The following FOXP1 variants were observed in gnomAD, a reference collection of about 807,000 sequenced individuals.
FOXP1 encodes forkhead box protein P1.
FOXP1 carries 15 observed loss-of-function variants against 98.2 expected under a neutral mutation model. The ratio of observed to expected loss-of-function variants is 0.15; its 90% CI spans 0.10 to 0.24. The LOEUF is 0.24. Among genes scored for constraint, FOXP1 ranks in the 10% least tolerant of loss-of-function variants. FOXP1 has a pLI of 1.00. For missense variants in FOXP1, 633 were observed against 848.5 expected, an observed-to-expected ratio of 0.75 and a Z score of 3.15; for synonymous variants, 371 against 314.5, an observed-to-expected ratio of 1.18 and a Z score of -1.90.
chr3:71,340,198 C>T (rs1226824889), intron 4 of FOXP1, among the ~76,000 whole-genome samples: 2 of 152,130 alleles, frequency 1.3e-5, no homozygotes, highest in Admixed American at 6.5e-5. Flanking sequence ...TGAAAAGGAA[C>T]AAATTAAGTG....
At chr3:71,427,347 C>G (rs1017690970) in intron 3 of FOXP1, among the ~76,000 whole-genome samples, 8 of 152,164 alleles carry the variant, frequency 5.3e-5, no homozygotes, top group Non-Finnish European at 1.0e-4. Flanking sequence ...CAGGGACACA[C>G]GCGCAGGAGA....
intron 3 of FOXP1, among the ~76,000 whole-genome samples, chr3:71,413,879 T>C (rs1244433989): frequency 6.6e-6 from 1 of 152,144 alleles, no homozygotes; most frequent in Non-Finnish European, 1.5e-5. Flanking sequence ...TTTTCTTTTA[T>C]CTCTCATTTA....
intron 4 of FOXP1, chr3:71,329,827 T>C (rs1356367352): frequency 6.6e-6 from 1 of 152,186 alleles, no homozygotes; most frequent in Non-Finnish European, 1.5e-5. Context: ...GTATCTACAA[T>C]CAAGAACAAT....
chr3:71,456,100 A>C (rs1275597800), intron 3 of FOXP1, among the ~76,000 whole-genome samples: 1 of 152,202 alleles, frequency 6.6e-6, no homozygotes, highest in South Asian at 2.1e-4. Flanking sequence ...TGTGGAAAGA[A>C]TAACAGTTGC....
chr3:71,209,973 G>C (rs139676448), intron 5 of FOXP1, among the ~76,000 whole-genome samples: 1,772 of 152,080 alleles, frequency 0.012, 18 homozygotes, highest in Non-Finnish European at 0.019. Context: ...TAAATTCTGC[G>C]TGATGTCAGT....
At chr3:71,300,290 C>T (rs1431906404) in intron 4 of FOXP1, among the ~76,000 whole-genome samples, 2 of 151,978 alleles carry the variant, frequency 1.3e-5, no homozygotes, top group African/African-American at 4.8e-5. Flanking sequence ...TATTTTTTTC[C>T]CCTTTTGGAA....
chr3:71,154,795 T>C (rs1479930903), intron 6 of FOXP1, among the ~76,000 whole-genome samples: 1 of 152,224 alleles, frequency 6.6e-6, no homozygotes, highest in African/African-American at 2.4e-5. Flanking sequence ...TGGTTCCCCA[T>C]GGCTCTCAGG....
chr3:71,562,077 C>T (rs1393387142), intron 2 of FOXP1, among the ~76,000 whole-genome samples: 1 of 152,166 alleles, frequency 6.6e-6, no homozygotes, highest in Non-Finnish European at 1.5e-5. Flanking sequence ...AAAACCAAGA[C>T]TCTCCAACCA....
chr3:71,526,300 T>C (rs1294555979), intron 2 of FOXP1, among the ~76,000 whole-genome samples: 1 of 152,170 alleles, frequency 6.6e-6, no homozygotes, highest in African/African-American at 2.4e-5. Context: ...AATATGCACA[T>C]GCAGTAAGAA....
At position 71,583,692 on chromosome 3, in the gene FOXP1, A is replaced by G; in HGVS notation, c.-568T>C. ...CACTCGCGCACACACGCGCGCACAC[A>G]CGCACTCCCGGGCGAGGGCCGGGCC... On this transcript the variant is annotated 5_prime_UTR_variant, in exon 1 of 21. Coordinates refer to ENST00000649528, the MANE Select transcript of FOXP1 (RefSeq NM_001349338.3). The G allele has an allele frequency of 1.0e-6, 1 of 983,334 alleles. No homozygotes were observed. The highest frequency in any genetic ancestry group is 1.2e-6 in the Non-Finnish European group (1 of 829,612). The allele number at this position is 983,334 out of a possible 1,614,324, so 60.9% of individuals were successfully genotyped here.
At chr3:71,169,122 C>G (rs1469341098) in intron 6 of FOXP1, among the ~76,000 whole-genome samples, 1 of 152,164 alleles carries the variant, frequency 6.6e-6, no homozygotes, top group Non-Finnish European at 1.5e-5. Flanking sequence ...TGCTCATAAA[C>G]TGAGGTGGTG....
chr3:71,253,010 A>T (rs762052459), intron 5 of FOXP1, among the ~76,000 whole-genome samples: 1 of 152,230 alleles, frequency 6.6e-6, no homozygotes, highest in Non-Finnish European at 1.5e-5. Flanking sequence ...TCCACAATGC[A>T]GCTGACACCA....
chr3:71,312,294 G>A (rs1213151616), intron 4 of FOXP1, among the ~76,000 whole-genome samples: 1 of 152,208 alleles, frequency 6.6e-6, no homozygotes, highest in Non-Finnish European at 1.5e-5. Context: ...GTGTGCTAGA[G>A]GAAGCTGTTG....
At chr3:70,972,465 G>A in intron 18 of FOXP1, 90 bp downstream of exon 18, 2 of 1,564,202 alleles carry the variant, frequency 1.3e-6, no homozygotes, top group Non-Finnish European at 8.8e-7. Flanking sequence ...CAGTTCTTTG[G>A]TCTAACACCA....
chr3:70,988,225 A>G lies in FOXP1; in HGVS notation c.1063-148T>C, dbSNP rs565146332. The G allele has an allele frequency of 5.2e-5, 41 of 789,430 alleles. No individual in the cohort carries two copies. In the South Asian group the frequency reaches 6.1e-4, roughly 12 times the overall value. The allele number at this position is 789,430 out of a possible 1,614,324, so 48.9% of individuals were successfully genotyped here. A position where few individuals can be genotyped will look rare whatever the true frequency, so the allele number is the denominator to read the frequency against. ...GCTTGTTTTTGAAATCTACATGACC[A>G]TTGCCAAACTCGAAGTAACCGGAGG... On this transcript the variant is annotated intron_variant, in intron 13 of 20. Transcript: ENST00000649528.
chr3:71,057,563 A>T (rs559935142), intron 7 of FOXP1, among the ~76,000 whole-genome samples: 1 of 152,040 alleles, frequency 6.6e-6, no homozygotes, highest in Non-Finnish European at 1.5e-5. Flanking sequence ...TGAATCATAG[A>T]AGGCAATTTA....
chr3:71,170,794 G>A (rs1001498926), intron 6 of FOXP1, among the ~76,000 whole-genome samples: 7 of 152,114 alleles, frequency 4.6e-5, no homozygotes, highest in South Asian at 2.1e-4. Context: ...TGAGGCATGC[G>A]GCAAATTTAT....
intron 5 of FOXP1, among the ~76,000 whole-genome samples, chr3:71,218,169 C>G (rs1471538923): frequency 1.3e-5 from 2 of 152,210 alleles, no homozygotes; most frequent in African/African-American, 4.8e-5. Flanking sequence ...AAAGTCCCAC[C>G]TCTTCCCTTT....
chr3:71,478,529 AGGTTGAC>A (rs1447268341), intron 3 of FOXP1, among the ~76,000 whole-genome samples: 1 of 152,248 alleles, frequency 6.6e-6, no homozygotes, highest in African/African-American at 2.4e-5. Flanking sequence ...AGTGGCAAGG[AGGTTGAC>A]TGATGAACAA....
Sources: gnomAD v4.1 joint callset for allele counts (sites outside exome capture counted in the v4.1 genomes callset) on GRCh38, gnomAD v4.1.1 for gene constraint, MANE v1.5 for transcripts, NCBI Gene and HGNC (gene_info 2026-07-23, HGNC 2026-07-21) for gene names.